The following RASAL2 variants were observed in gnomAD, a reference collection of about 807,000 sequenced individuals.
The protein encoded by RASAL2 is RAS protein activator like 2.
RASAL2 carries 58 observed loss-of-function variants against 128.9 expected under a neutral mutation model. That is an observed-to-expected ratio of 0.45 (90% CI 0.36 to 0.56). The LOEUF is 0.56. Among genes scored for constraint, RASAL2 ranks in the 20% least tolerant of loss-of-function variants. The pLI is 0.00. For missense variants in RASAL2, 1,360 were observed against 1,601.6 expected (o/e 0.85, Z 2.57); for synonymous variants, 561 against 580.8 (o/e 0.97, Z 0.49).
chr1:178,308,736 GAC>G, intron 3 of RASAL2, among the ~76,000 whole-genome samples: 1 of 151,574 alleles, frequency 6.6e-6, no homozygotes, highest in Admixed American at 6.6e-5. Context: ...TTATTCTAGA[GAC>G]AGGGTGTCAC....
rs1476682963 is a variant in RASAL2, at chr1:178,311,859, A to G, written c.457+11741A>G. On this transcript the variant is annotated intron_variant, in intron 3 of 17. Transcript: ENST00000367649. ...GAAGAAAAGAAAAAGAAAAAAGGGA[A>G]AAAACAACTTGGAGGTAGAGACTAG... Among the ~76,000 whole-genome samples the G allele has an allele frequency of 3.3e-5, 5 of 152,150 alleles. No individual in the cohort carries two copies. The East Asian group carries it at 9.6e-4, about 29-fold the overall frequency.
intron 1 of RASAL2, among the ~76,000 whole-genome samples, chr1:178,187,985 ATAGC>A (rs1268682148): frequency 6.6e-6 from 1 of 152,116 alleles, no homozygotes; most frequent in Non-Finnish European, 1.5e-5. Context: ...CCTTTGGAAG[ATAGC>A]TATACAATGC....
At chr1:178,125,356 A>G (rs1659857614) in intron 1 of RASAL2, 1 of 152,134 alleles carries the variant, frequency 6.6e-6, no homozygotes, top group Admixed American at 6.6e-5. Context: ...TTCATATGCA[A>G]CGTAGAATAT....
rs534776835 is a variant in RASAL2, at chr1:178,335,932, A to C, written c.457+35814A>C. Among the ~76,000 whole-genome samples, 11 of 151,724 alleles carry C rather than the reference A, an allele frequency of 7.3e-5. No homozygotes were observed. In the East Asian group the frequency reaches 7.7e-4, roughly 11 times the overall value. ...AAAGCTATGAAGAGGAAAAAAAAAA[A>C]CCCAAAATGCCAATTAAAGATAAAT... On this transcript the variant is annotated intron_variant, in intron 3 of 17. Coordinates refer to ENST00000367649, the MANE Select transcript of RASAL2 (RefSeq NM_170692.4).
In RASAL2 at chr1:178,260,366, ATATATAT is replaced by A. The variant is rs1319675593; in HGVS notation, c.203-23197_203-23191del. On this transcript the variant is annotated intron_variant, in intron 1 of 17. Coordinates refer to ENST00000367649, the MANE Select transcript of RASAL2 (RefSeq NM_170692.4). ...GACTCGTCTCAAAAAAAAAAAAAAT[ATATATAT>A]ATATATATATATATATATATATATA... 2.1e-3 allele frequency among the ~76,000 whole-genome samples: 40 copies of A among 19,294 alleles called. 7 individuals are homozygous for A. The highest frequency in any genetic ancestry group is 4.8e-3 in the African/African-American group (23 of 4,842). 12.7% of individuals were successfully genotyped at this position (19,294 alleles called of 152,430 possible). A position where few individuals can be genotyped will look rare whatever the true frequency, so the allele number is the denominator to read the frequency against.
chr1:178,244,174 G>A (rs1664654424), intron 1 of RASAL2, among the ~76,000 whole-genome samples: 1 of 152,084 alleles, frequency 6.6e-6, no homozygotes, highest in Non-Finnish European at 1.5e-5. Flanking sequence ...ATTCAAGTGG[G>A]GATAGTATTA....
intron 3 of RASAL2, among the ~76,000 whole-genome samples, chr1:178,349,997 C>A (rs950537353): frequency 6.6e-6 from 1 of 152,202 alleles, no homozygotes; most frequent in Non-Finnish European, 1.5e-5. Context: ...TAAGCTCTGC[C>A]ACCTGTGCTG....
At chr1:178,472,864 AAG>A (rs1011653998) in intron 17 of RASAL2, among the ~76,000 whole-genome samples, 1 of 152,156 alleles carries the variant, frequency 6.6e-6, no homozygotes, top group South Asian at 2.1e-4. Context: ...CTGAAAGAAA[AAG>A]AGAGAGAGAA....
At chr1:178,214,386 C>T (rs1027876136) in intron 1 of RASAL2, among the ~76,000 whole-genome samples, 2 of 152,106 alleles carry the variant, frequency 1.3e-5, no homozygotes, top group Non-Finnish European at 2.9e-5. Flanking sequence ...TATAACTTGA[C>T]TTATTTGGAA....
chr1:178,340,494 T>C (rs949502637), intron 3 of RASAL2, among the ~76,000 whole-genome samples: 8 of 152,174 alleles, frequency 5.3e-5, no homozygotes, highest in African/African-American at 1.9e-4. Flanking sequence ...TAAAACAAAC[T>C]AAAATGATGA....
intron 3 of RASAL2, among the ~76,000 whole-genome samples, chr1:178,363,688 T>G (rs1671242990): frequency 6.6e-6 from 1 of 152,192 alleles, no homozygotes; most frequent in African/African-American, 2.4e-5. Flanking sequence ...ATTAAGCACT[T>G]ACTATGTGCC....
At chr1:178,328,326 G>C (rs144800893) in intron 3 of RASAL2, among the ~76,000 whole-genome samples, 7,120 of 152,060 alleles carry the variant, frequency 0.047, 553 homozygotes, top group African/African-American at 0.16. Flanking sequence ...GAGATATTTT[G>C]ATACAGGCAT....
At chr1:178,095,072 A>G (rs1658623068) in intron 1 of RASAL2, among the ~76,000 whole-genome samples, 1 of 152,218 alleles carries the variant, frequency 6.6e-6, no homozygotes, top group Non-Finnish European at 1.5e-5. Context: ...TGAATGAGGC[A>G]AGACTGGAAA....
rs549241732 is a variant in RASAL2 at position 178,173,665 on chromosome 1, A to T, written c.202+78971A>T. On this transcript the variant is annotated intron_variant, in intron 1 of 17. Coordinates refer to ENST00000367649, the MANE Select transcript of RASAL2 (RefSeq NM_170692.4). The stretch of plus-strand genomic sequence containing the variant: ...GTGAACCTTAGTGGCACACCCTGAG[A>T]TTGACTAAGATTCGAGTAGCCTTAC... 2.6e-5 allele frequency among the ~76,000 whole-genome samples: 4 copies of T among 152,172 alleles called. No individual in the cohort carries two copies. The South Asian group carries it at 6.2e-4, about 24-fold the overall frequency.
At chr1:178,255,538 A>C (rs1330227908) in intron 1 of RASAL2, among the ~76,000 whole-genome samples, 1 of 152,106 alleles carries the variant, frequency 6.6e-6, no homozygotes, top group Non-Finnish European at 1.5e-5. Context: ...ATATTAATAC[A>C]TGTAATATCT....
At chr1:178,348,977 T>C (rs1670302684) in intron 3 of RASAL2, among the ~76,000 whole-genome samples, 1 of 151,586 alleles carries the variant, frequency 6.6e-6, no homozygotes, top group South Asian at 2.1e-4. Flanking sequence ...TTTTTTGTAT[T>C]TTTAGTGGAG....
At chr1:178,246,024 T>A (rs1664752869) in intron 1 of RASAL2, among the ~76,000 whole-genome samples, 1 of 152,202 alleles carries the variant, frequency 6.6e-6, no homozygotes. Context: ...TTGTTCTTTT[T>A]GCTTAGGATT....
chr1:178,293,507 C>G (rs1398054338), intron 2 of RASAL2, among the ~76,000 whole-genome samples: 2 of 152,186 alleles, frequency 1.3e-5, no homozygotes, highest in African/African-American at 4.8e-5. Flanking sequence ...CATGCGTGGT[C>G]TGGTATTCCA....
At chr1:178,109,362 A>G (rs997084484) in intron 1 of RASAL2, among the ~76,000 whole-genome samples, 7 of 152,066 alleles carry the variant, frequency 4.6e-5, no homozygotes, top group Non-Finnish European at 7.4e-5. Flanking sequence ...TCAGTCTCCC[A>G]GGGAGCTGGG....
Sources: allele counts gnomAD v4.1 joint callset (sites outside exome capture counted in the v4.1 genomes callset), GRCh38; gene constraint gnomAD v4.1.1; transcripts MANE v1.5; gene names NCBI Gene and HGNC (gene_info 2026-07-23, HGNC 2026-07-21).